The following SAMD4A variants were observed in gnomAD, a reference collection of about 807,000 sequenced individuals.
The protein encoded by SAMD4A is sterile alpha motif domain containing 4A, also known as protein Smaug homolog 1.
Under a neutral mutation model 81.3 loss-of-function variants are expected in SAMD4A, and 33 were observed. The observed-to-expected ratio is 0.41, with a 90% CI of 0.31 to 0.54. The LOEUF (loss-of-function observed/expected upper bound fraction) is 0.54. Among genes scored for constraint, SAMD4A ranks in the 20% least tolerant of loss-of-function variants. The probability of loss-of-function intolerance (pLI) is 0.37; values close to 1 mark genes in which losing one functional copy is unlikely to be tolerated. For missense variants in SAMD4A, 854 were observed against 951.1 expected (o/e 0.90, Z 1.34); for synonymous variants, 389 against 382.1 (o/e 1.02, Z -0.21).
In SAMD4A at chr14:54,760,477, C is replaced by T. The variant is rs1265811762; in HGVS notation, c.1493C>T (p.Thr498Ile). 11 of 1,407,240 alleles carry T rather than the reference C, an allele frequency of 7.8e-6. No individual in the cohort carries two copies. Among genetic ancestry groups the T allele is most frequent in the Non-Finnish European group, 1.0e-5 (11 of 1,089,250 alleles). The allele number at this position is 1,407,240 out of a possible 1,614,324, so 87.2% of individuals were successfully genotyped here. A position where few individuals can be genotyped will look rare whatever the true frequency, so the allele number is the denominator to read the frequency against. Residue 498 changes from threonine to isoleucine, a missense_variant, in exon 7 of 13, where the codon ACA becomes ATA. Coordinates refer to ENST00000554335, the MANE Select transcript of SAMD4A (RefSeq NM_015589.6). ...GAGGGGGACCTCCCCGGGCAGTTCA[C>T]ACGCGTCATGGGGAAAGGTAGAGCC... ...LPEGDLPGQF[T>I]RVMGKVCTQL...
upstream of SAMD4A, chr14:54,566,969 G>A (rs1214589227): frequency 6.5e-6 from 1 of 152,778 alleles, no homozygotes; most frequent in Non-Finnish European, 1.5e-5. Flanking sequence ...GGGGCGCCTG[G>A]CGGTGGAGAT....
chr14:54,765,987 T>G (rs912639104), intron 8 of SAMD4A, among the ~76,000 whole-genome samples: 2 of 152,166 alleles, frequency 1.3e-5, no homozygotes, highest in African/African-American at 4.8e-5. Context: ...TCAGTGTGAC[T>G]ACAGTGACCA....
chr14:54,631,933 A>C (rs1206333072), intron 2 of SAMD4A, among the ~76,000 whole-genome samples: 2 of 152,200 alleles, frequency 1.3e-5, no homozygotes, highest in African/African-American at 4.8e-5. Flanking sequence ...TCTCACCCCT[A>C]GATTTTTGGG....
intron 2 of SAMD4A, among the ~76,000 whole-genome samples, chr14:54,605,559 G>C (rs1000088827): frequency 1.3e-5 from 2 of 152,168 alleles, no homozygotes; most frequent in Non-Finnish European, 2.9e-5. Flanking sequence ...AAACCTCACA[G>C]GGATGAGAAT....
chr14:54,626,268 T>C (rs2034762161), intron 2 of SAMD4A, among the ~76,000 whole-genome samples: 1 of 152,174 alleles, frequency 6.6e-6, no homozygotes, highest in East Asian at 1.9e-4. Flanking sequence ...AATTTCACTT[T>C]CCACAGGATA....
At chr14:54,626,741 G>C (rs2034773572) in intron 2 of SAMD4A, among the ~76,000 whole-genome samples, 1 of 152,096 alleles carries the variant, frequency 6.6e-6, no homozygotes, top group Non-Finnish European at 1.5e-5. Context: ...GCAATTCTCT[G>C]TTCAACACAT....
chr14:54,571,909 G>C (rs1024405095), intron 2 of SAMD4A, among the ~76,000 whole-genome samples: 1 of 152,156 alleles, frequency 6.6e-6, no homozygotes, highest in Non-Finnish European at 1.5e-5. Context: ...TGATTTTTAT[G>C]GTTTTGGTTT....
chr14:54,770,790 A>G (rs929738272), intron 9 of SAMD4A, among the ~76,000 whole-genome samples: 33 of 152,202 alleles, frequency 2.2e-4, no homozygotes, highest in African/African-American at 6.8e-4. Flanking sequence ...TTTAGAACCC[A>G]TTACCTTAAT....
At chr14:54,585,455 T>A (rs1414701654) in intron 2 of SAMD4A, among the ~76,000 whole-genome samples, 2 of 152,202 alleles carry the variant, frequency 1.3e-5, no homozygotes, top group Non-Finnish European at 2.9e-5. Context: ...AATTTTTTTA[T>A]TTCAGTAGGT....
At chr14:54,724,985 A>C (rs1326973666) in intron 3 of SAMD4A, among the ~76,000 whole-genome samples, 1 of 152,200 alleles carries the variant, frequency 6.6e-6, no homozygotes, top group Non-Finnish European at 1.5e-5. Flanking sequence ...GGAGGGGCTG[A>C]GAGACCATCC....
chr14:54,569,455 A>G (rs2033063810), intron 2 of SAMD4A, among the ~76,000 whole-genome samples: 1 of 152,184 alleles, frequency 6.6e-6, no homozygotes, highest in Non-Finnish European at 1.5e-5. Flanking sequence ...ATGGCCAAGT[A>G]TGGAGGGCCA....
chr14:54,758,920 AAC>A (rs2038317362), intron 6 of SAMD4A, among the ~76,000 whole-genome samples: 1 of 152,146 alleles, frequency 6.6e-6, no homozygotes, highest in Admixed American at 6.5e-5. Flanking sequence ...GATGTGCAGA[AAC>A]ACAGGGAGAG....
chr14:54,735,760 T>C (rs2037676101), intron 3 of SAMD4A, among the ~76,000 whole-genome samples: 1 of 152,204 alleles, frequency 6.6e-6, no homozygotes, highest in Non-Finnish European at 1.5e-5. Flanking sequence ...TGCCCAGGCC[T>C]TTATGTTGGG....
intron 9 of SAMD4A, among the ~76,000 whole-genome samples, chr14:54,774,455 G>A (rs1450686271): frequency 1.3e-5 from 2 of 152,152 alleles, no homozygotes; most frequent in Admixed American, 1.3e-4. Context: ...TGTAATCCCA[G>A]CACTTTGAGA....
At chr14:54,591,576 T>G (rs1594703775) in intron 2 of SAMD4A, among the ~76,000 whole-genome samples, 1 of 152,070 alleles carries the variant, frequency 6.6e-6, no homozygotes, top group East Asian at 1.9e-4. Context: ...AGGAGTTGTT[T>G]CCCATGTTGG....
intron 6 of SAMD4A, among the ~76,000 whole-genome samples, chr14:54,755,057 G>A (rs1038879441): frequency 6.6e-6 from 1 of 152,222 alleles, no homozygotes; most frequent in Non-Finnish European, 1.5e-5. Flanking sequence ...CAGTGATGAG[G>A]TGGGAAGCCT....
intron 2 of SAMD4A, among the ~76,000 whole-genome samples, chr14:54,673,028 T>A (rs1252749651): frequency 6.6e-6 from 1 of 152,246 alleles, no homozygotes; most frequent in Non-Finnish European, 1.5e-5. Flanking sequence ...AAGGTTACCT[T>A]GCAGGCTTGG....
intron 2 of SAMD4A, among the ~76,000 whole-genome samples, 197 bp downstream of exon 2, chr14:54,568,309 G>T (rs957095806): frequency 6.6e-6 from 1 of 151,628 alleles, no homozygotes; most frequent in Admixed American, 6.6e-5. Context: ...ACCTCCGCCG[G>T]CCGCTTTGGG....
chr14:54,615,477 G>A (rs1307501596), intron 2 of SAMD4A, among the ~76,000 whole-genome samples: 1 of 152,152 alleles, frequency 6.6e-6, no homozygotes, highest in African/African-American at 2.4e-5. Flanking sequence ...TATTTCACAC[G>A]GAAATACCTG....
Sources: gnomAD v4.1 joint callset for allele counts (sites outside exome capture counted in the v4.1 genomes callset) on GRCh38, gnomAD v4.1.1 for gene constraint, MANE v1.5 for transcripts, NCBI Gene and HGNC (gene_info 2026-07-23, HGNC 2026-07-21) for gene names.